Variants in USH2A observed in about 807,000 individuals in gnomAD.
The protein encoded by USH2A is usherin.
A neutral mutation model predicts 538.9 loss-of-function variants in USH2A; 443 were observed. The ratio of observed to expected loss-of-function variants is 0.82; its 90% CI spans 0.76 to 0.89. The LOEUF is 0.89. USH2A is among the 40% of genes least tolerant of loss of function. USH2A has a pLI of 0.00. For synonymous variants in USH2A, 2,413 were observed against 2,273.5 expected (o/e 1.06, Z -1.75); for missense variants, 6,633 against 6,324.8 (o/e 1.05, Z -1.65).
intron 43 of USH2A, among the ~76,000 whole-genome samples, chr1:215,873,801 C>CAAAAA (rs35816736): frequency 2.4e-5 from 3 of 127,648 alleles, no homozygotes; most frequent in African/African-American, 8.3e-5. Flanking sequence ...ATTGTCATTG[C>CAAAAA]AAAAAAAAAA....
intron 31 of USH2A, among the ~76,000 whole-genome samples, chr1:216,047,088 A>G (rs1351410993): frequency 6.6e-6 from 1 of 152,182 alleles, no homozygotes; most frequent in Non-Finnish European, 1.5e-5. Context: ...AGAGCTGTGT[A>G]TTTTATATAG....
chr1:216,292,022 G>A (rs2037010434), intron 10 of USH2A, among the ~76,000 whole-genome samples, 153 bp downstream of exon 10: 2 of 152,204 alleles, frequency 1.3e-5, no homozygotes, highest in South Asian at 4.1e-4. Context: ...TTTGGAAATA[G>A]GAAGATTTGG....
intron 20 of USH2A, among the ~76,000 whole-genome samples, chr1:216,176,727 C>A (rs1204322507): frequency 6.6e-6 from 1 of 152,130 alleles, no homozygotes; most frequent in Non-Finnish European, 1.5e-5. Flanking sequence ...CTCCTTCCCC[C>A]CAACCCCAGG....
chr1:215,734,527 G>A (rs1369861322), intron 60 of USH2A, among the ~76,000 whole-genome samples: 1 of 152,058 alleles, frequency 6.6e-6, no homozygotes, highest in Non-Finnish European at 1.5e-5. Flanking sequence ...TCTACCACAG[G>A]GCCAGGCTGC....
intron 61 of USH2A, among the ~76,000 whole-genome samples, chr1:215,715,801 G>A (rs1170417994): frequency 1.3e-5 from 2 of 152,072 alleles, no homozygotes; most frequent in African/African-American, 2.4e-5. Context: ...AGTTAAGCGC[G>A]GCAGAAGGAC....
At chr1:216,027,518 C>T (rs958796568) in intron 32 of USH2A, among the ~76,000 whole-genome samples, 5 of 151,992 alleles carry the variant, frequency 3.3e-5, no homozygotes, top group Admixed American at 3.3e-4. Context: ...ATTTCAGGTC[C>T]GTAGTTAATT....
intron 35 of USH2A, among the ~76,000 whole-genome samples, chr1:215,985,053 G>T (rs925059267): frequency 2.6e-5 from 4 of 152,200 alleles, no homozygotes; most frequent in African/African-American, 9.7e-5. Flanking sequence ...TTTCATAAAA[G>T]TTACGCAAGG....
At chr1:216,252,166 A>G (rs2036175425) in intron 11 of USH2A, among the ~76,000 whole-genome samples, 1 of 152,248 alleles carries the variant, frequency 6.6e-6, no homozygotes, top group African/African-American at 2.4e-5. Flanking sequence ...CTACATGCAT[A>G]GTTAATACTG....
chr1:216,177,328 A>T (rs931281043), intron 20 of USH2A, among the ~76,000 whole-genome samples: 1 of 152,146 alleles, frequency 6.6e-6, no homozygotes, highest in African/African-American at 2.4e-5. Flanking sequence ...AACATTTTTC[A>T]TATGTGTATT....
At position 215,741,418 on chromosome 1, in the gene USH2A, G is replaced by A; in HGVS notation, c.11668C>T (p.Pro3890Ser). The change falls in exon 60 of 72, where the codon CCT becomes TCT. Residue 3890 changes from proline to serine, a missense_variant. Physicochemically the swap from Pro to Ser is moderately conservative, Grantham distance 74 (BLOSUM62 -1). Transcript: ENST00000307340. The stretch of plus-strand genomic sequence containing the variant: ...ATGATGATTCCATTTGGTTTTTCAG[G>A]TGGCATCCACTTAATCTCTATGCAA... ...SACIEIKWMPPEKPNGIIINY... is the reference protein window; with the variant it reads ...SACIEIKWMPSEKPNGIIINY... 6 of 1,613,762 alleles carry A rather than the reference G, an allele frequency of 3.7e-6. No individual in the cohort carries two copies. Among genetic ancestry groups the A allele is most frequent in the Non-Finnish European group, 5.1e-6 (6 of 1,179,938 alleles).
At chr1:216,037,001 A>G (rs2030016192) in intron 32 of USH2A, among the ~76,000 whole-genome samples, 1 of 152,134 alleles carries the variant, frequency 6.6e-6, no homozygotes, top group Non-Finnish European at 1.5e-5. Flanking sequence ...CAAGGTCAAG[A>G]CATTTTTGTA....
intron 11 of USH2A, among the ~76,000 whole-genome samples, chr1:216,284,518 T>C (rs2036845149): frequency 6.6e-6 from 1 of 152,196 alleles, no homozygotes; most frequent in Non-Finnish European, 1.5e-5. Context: ...CCTTCCTTTA[T>C]AAATTACCCA....
At chr1:215,842,127 C>T (rs1441489644) in intron 46 of USH2A, among the ~76,000 whole-genome samples, 2 of 152,090 alleles carry the variant, frequency 1.3e-5, no homozygotes, top group Non-Finnish European at 2.9e-5. Flanking sequence ...AGTTTGATAC[C>T]AGCCTGGTCA....
chr1:216,200,987 C>CCCTT (rs2034979640), intron 16 of USH2A, among the ~76,000 whole-genome samples: 1 of 75,360 alleles, frequency 1.3e-5, no homozygotes, highest in Admixed American at 1.5e-4. Context: ...ATCCCTCCCT[C>CCCTT]CCTCCCTCCC....
intron 34 of USH2A, among the ~76,000 whole-genome samples, chr1:215,995,774 A>T (rs1192152754): frequency 6.6e-6 from 1 of 152,246 alleles, no homozygotes; most frequent in Non-Finnish European, 1.5e-5. Context: ...TCATAAAGGC[A>T]TAACTCTGCC....
At chr1:216,103,866 C>T (rs776039268) in intron 21 of USH2A, among the ~76,000 whole-genome samples, 14 of 152,072 alleles carry the variant, frequency 9.2e-5, no homozygotes, top group Non-Finnish European at 1.9e-4. Context: ...AGACACATCT[C>T]CATACTCACT....
chr1:215,650,279 T>A (rs1243204261), intron 65 of USH2A, among the ~76,000 whole-genome samples: 1 of 152,200 alleles, frequency 6.6e-6, no homozygotes, highest in Admixed American at 6.5e-5. Context: ...AAGTGGTTGA[T>A]CTGTTTTCTA....
At chr1:216,177,051 G>A (rs1349969405) in intron 20 of USH2A, among the ~76,000 whole-genome samples, 3 of 152,106 alleles carry the variant, frequency 2.0e-5, no homozygotes, top group Non-Finnish European at 4.4e-5. Context: ...TCAGGGTTTT[G>A]TGTTTTTAAC....
chr1:216,165,213 T>C (rs1166179586), intron 21 of USH2A, among the ~76,000 whole-genome samples: 1 of 152,168 alleles, frequency 6.6e-6, no homozygotes, highest in Non-Finnish European at 1.5e-5. Flanking sequence ...ATTATGACTG[T>C]CATCTTAAAC....
Sources: gnomAD v4.1 joint callset for allele counts (sites outside exome capture counted in the v4.1 genomes callset) on GRCh38, gnomAD v4.1.1 for gene constraint, MANE v1.5 for transcripts, NCBI Gene and HGNC (gene_info 2026-07-23, HGNC 2026-07-21) for gene names.